TPM4: variants seen among roughly 807,000 people sequenced by gnomAD.
TPM4 encodes the protein tropomyosin 4.
In TPM4, 17 loss-of-function variants were observed where a neutral mutation model predicts 35.8. The ratio of observed to expected loss-of-function variants is 0.47; its 90% CI spans 0.32 to 0.71. The LOEUF is 0.71. Among genes scored for constraint, TPM4 ranks in the 30% least tolerant of loss-of-function variants. The probability of loss-of-function intolerance (pLI) is 0.03; values close to 1 mark genes in which losing one functional copy is unlikely to be tolerated. For missense variants in TPM4, 240 were observed against 320.9 expected (o/e 0.75, Z 1.93); for synonymous variants, 120 against 122.9 (o/e 0.98, Z 0.15).
chr19:16,074,928 C>T (rs2090389132), upstream of TPM4: 1 of 152,212 alleles, frequency 6.6e-6, no homozygotes, highest in Non-Finnish European at 1.5e-5. Flanking sequence ...CCTGTCTCTA[C>T]TGAAAATACA....
intron 1 of TPM4, among the ~76,000 whole-genome samples, chr19:16,077,662 A>G (rs2090427862): frequency 6.6e-6 from 1 of 152,006 alleles, no homozygotes; most frequent in Non-Finnish European, 1.5e-5. Context: ...TGCGAGTAGG[A>G]CTGATAAGAA....
In TPM4 at chr19:16,089,526, T is replaced by C. The variant is rs140357666; in HGVS notation, c.531+406T>C. On this transcript the variant is annotated intron_variant, in intron 5 of 7. Transcript: ENST00000643579. ...AGTTTGAAACAGCACCCAAAGCAGT[T>C]GCTACGTGGCAGCTACGTCGGGAAC... is the stretch of plus-strand genomic sequence containing the variant. Among the ~76,000 whole-genome samples the C allele has an allele frequency of 1.3e-3, 204 of 152,294 alleles. 1 individual carries two copies. Among genetic ancestry groups the C allele is most frequent in the African/African-American group, 4.7e-3 (197 of 41,542 alleles).
intron 7 of TPM4, among the ~76,000 whole-genome samples, chr19:16,098,589 T>C (rs2090728341): frequency 6.6e-6 from 1 of 152,144 alleles, no homozygotes; most frequent in South Asian, 2.1e-4. Flanking sequence ...AATAACAAAA[T>C]AGATGCTAAA....
Position 16,101,305 on chromosome 19 carries a change from C to G in TPM4, c.706C>G (p.Gln236Glu). 3.1e-6 allele frequency: 5 copies of G among 1,608,954 alleles called. No individual in the cohort carries two copies. The highest frequency in any genetic ancestry group is 4.2e-6 in the Non-Finnish European group (5 of 1,177,496). Residue 236 changes from glutamine to glutamate, a missense_variant, in exon 8 of 8, where the codon CAG becomes GAG. Gln to Glu is a conservative substitution (Grantham distance 29). Transcript: ENST00000643579. ...CAAAGAAGAGAACGTGGGCTTACAT[C>G]AGACACTGGATCAGACACTAAACGA... The part of the protein sequence containing the change: ...QAKEENVGLH[Q>E]TLDQTLNELN...
rs188002390 is a variant in TPM4 at position 16,080,504 on chromosome 19, C to G, written c.133-1409C>G. On this transcript the variant is annotated intron_variant, in intron 1 of 7. Transcript: ENST00000643579. ...TGAGGAAGCAACCTTCCCAACACCA[C>G]GTGGCTGTGAAAATGACAAAGCACG... 2.6e-3 allele frequency: 490 copies of G among 191,612 alleles called. 2 individuals are homozygous for G. The highest frequency in any genetic ancestry group is 0.01 in the African/African-American group (438 of 43,094). 11.9% of individuals were successfully genotyped at this position (191,612 alleles called of 1,614,324 possible). A position where few individuals can be genotyped will look rare whatever the true frequency, so the allele number is the denominator to read the frequency against.
At chr19:16,078,312 G>T (rs1309499615) in intron 1 of TPM4, among the ~76,000 whole-genome samples, 1 of 152,130 alleles carries the variant, frequency 6.6e-6, no homozygotes, top group Non-Finnish European at 1.5e-5. Flanking sequence ...AGGGTGGGGG[G>T]GTGTGCGGAT....
intron 1 of TPM4, chr19:16,081,255 A>G (rs2090478870): frequency 2.5e-6 from 1 of 394,576 alleles, no homozygotes; most frequent in African/African-American, 2.1e-5. Context: ...TGCCTTTTTC[A>G]GAGAAGAGCC....
chr19:16,073,663 CT>C (rs1394741925), upstream of TPM4, among the ~76,000 whole-genome samples: 10 of 152,204 alleles, frequency 6.6e-5, no homozygotes, highest in African/African-American at 1.9e-4. Flanking sequence ...CTCCTGAGGA[CT>C]TCAGACAGGA....
In TPM4 at chr19:16,068,159, T is replaced by TGCA. The variant is rs1274051592; in HGVS notation, c.114+422_114+424dup. ...TGCGTGTTTGCCTCTGGTGTGTGTG[T>TGCA]GCATGTGTGCGTGTGTGTGTGTGTG... On this transcript the variant is annotated intron_variant, in intron 2 of 2. Transcript: ENST00000589897. Among the ~76,000 whole-genome samples, 3 of 134,238 alleles carry TGCA rather than the reference T, an allele frequency of 2.2e-5. No homozygotes were observed. The Admixed American group carries it at 2.2e-4, about 10-fold the overall frequency. 88.1% of individuals were successfully genotyped at this position (134,238 alleles called of 152,430 possible). A position where few individuals can be genotyped will look rare whatever the true frequency, so the allele number is the denominator to read the frequency against.
At chr19:16,075,917 C>G (rs769056097), upstream of TPM4, 4 of 1,337,432 alleles carry the variant, frequency 3.0e-6, no homozygotes, top group Non-Finnish European at 4.0e-6. Context: ...AACCCCTGTT[C>G]TACAGATAAG....
chr19:16,102,006 T>C lies in TPM4; in HGVS notation c.*660T>C, dbSNP rs2090767886. 4.7e-6 allele frequency: 1 copy of C among 214,832 alleles called. No homozygotes were observed. The allele number at this position is 214,832 out of a possible 1,614,324, so 13.3% of individuals were successfully genotyped here. On this transcript the variant is annotated 3_prime_UTR_variant, in exon 8 of 8. Transcript: ENST00000643579. ...CCCACATATAGTAATTAATAGATGGTAATTAATTGATCCTTGATGTGATGT... is the reference window on the plus strand; with the variant it reads ...CCCACATATAGTAATTAATAGATGGCAATTAATTGATCCTTGATGTGATGT...
At chr19:16,076,843 C>G in intron 1 of TPM4, 146 bp downstream of exon 1, 1 of 1,252,602 alleles carries the variant, frequency 8.0e-7, no homozygotes, top group Non-Finnish European at 1.0e-6. Flanking sequence ...ACCCACATCC[C>G]TGCGCCCGCA....
upstream of TPM4, chr19:16,076,053 G>A (rs941401193): frequency 3.1e-6 from 5 of 1,607,402 alleles, no homozygotes; most frequent in Non-Finnish European, 4.2e-6. Flanking sequence ...CCAGGTGGAG[G>A]AGGAGCTGAC....
chr19:16,067,728 A>C lies in TPM4; in HGVS notation c.104A>C (p.Lys35Thr), dbSNP rs1280272697. The C allele has an allele frequency of 5.6e-6, 9 of 1,612,364 alleles. No individual in the cohort carries two copies. The highest frequency in any genetic ancestry group is 7.6e-6 in the Non-Finnish European group (9 of 1,179,616). The stretch of plus-strand genomic sequence containing the variant: ...GCGGATAAGAAAGCCGCTGAGGACA[A>C]GTGCAAGCAGGTGAGGTGCCCTCCG... Residue 35 changes from lysine to threonine, a missense_variant, in exon 2 of 3, where the codon AAG (lysine) becomes ACG (threonine). Lys to Thr is a moderately conservative substitution (Grantham distance 78). Transcript: ENST00000589897. This position sits in a 1 kb window ranked among gnomAD's most constrained non-coding sequence, Gnocchi z 4.1.
At chr19:16,068,003 G>A (rs2090315373) in intron 2 of TPM4, 3 of 485,586 alleles carry the variant, frequency 6.2e-6, no homozygotes, top group Non-Finnish European at 1.1e-5. Context: ...GAGGGAGAGT[G>A]AGAACGTTCG....
intron 2 of TPM4, 30 bp from the exon 3 acceptor site, chr19:16,086,393 C>G: frequency 2.5e-6 from 4 of 1,591,050 alleles, no homozygotes; most frequent in Non-Finnish European, 3.4e-6. Context: ...TGTGAGTGAA[C>G]GGCCGTCCTG....
upstream of TPM4, chr19:16,075,886 T>C (rs2144915859): frequency 1.0e-6 from 1 of 1,000,408 alleles, no homozygotes; most frequent in East Asian, 2.8e-5. Context: ...GTAGCATGGA[T>C]GGCGTGGTGC....
Position 16,102,055 on chromosome 19 carries a change from T to C in TPM4, c.*709T>C. The C allele has an allele frequency of 4.8e-6, 1 of 207,768 alleles. No individual in the cohort carries two copies. Among genetic ancestry groups the C allele is most frequent in the Non-Finnish European group, 9.8e-6 (1 of 102,028 alleles). 12.9% of individuals were successfully genotyped at this position (207,768 alleles called of 1,614,324 possible). On this transcript the variant is annotated 3_prime_UTR_variant, in exon 8 of 8. Transcript: ENST00000643579. Reference sequence around the variant, plus strand: ...GTTCTTTTGCATATTTCCTTCATTCTAAAGTTGTTCCCTGGCCGGGAGCGT... The same window carrying C: ...GTTCTTTTGCATATTTCCTTCATTCCAAAGTTGTTCCCTGGCCGGGAGCGT...
upstream of TPM4, chr19:16,076,222 C>T (rs1485117772): frequency 6.5e-7 from 1 of 1,548,296 alleles, no homozygotes; most frequent in Non-Finnish European, 8.7e-7. Context: ...GCCGGAGCCC[C>T]GGGGCCGGGA....
Sources: gnomAD v4.1 joint callset for allele counts (sites outside exome capture counted in the v4.1 genomes callset) on GRCh38, gnomAD v4.1.1 for gene constraint, Gnocchi (gnomAD v3.1) non-coding constraint, MANE v1.5 for transcripts, NCBI Gene and HGNC (gene_info 2026-07-23, HGNC 2026-07-21) for gene names.